MEX3D: variants seen among roughly 807,000 people sequenced by gnomAD.
MEX3D encodes the protein mex-3 RNA binding family member D, also known as RNA-binding protein MEX3D.
A neutral mutation model predicts 6.3 loss-of-function variants in MEX3D; 4 were observed. The observed-to-expected ratio is 0.64, with a 90% confidence interval of 0.31 to 1.46. MEX3D has a LOEUF of 1.46. Among genes scored for constraint, MEX3D ranks in the 40% most tolerant of loss-of-function variants. The pLI is 0.07. For synonymous variants in MEX3D, 626 were observed against 494.1 expected (o/e 1.27, Z -3.54); for missense variants, 1,038 against 994.4 (o/e 1.04, Z -0.59).
In MEX3D at chr19:1,555,710, G is replaced by C; in HGVS notation, c.1809C>G (p.Cys603Trp). The C allele has an allele frequency of 6.5e-7, 1 of 1,545,504 alleles. No individual in the cohort carries two copies. Among genetic ancestry groups the C allele is most frequent in the Non-Finnish European group, 8.7e-7 (1 of 1,151,504 alleles). Residue 603 changes from cysteine (C) to tryptophan (W), a missense_variant, in exon 2 of 2, where the codon TGC becomes TGG. Coordinates refer to ENST00000402693, the MANE Select transcript of MEX3D (RefSeq NM_203304.4). ...GCGCAGCCATCACCTCGCCCTCGGC[G>C]CACACCACGCACTCTCGCGCCAGGG... ...APALARECVV[C>W]AEGEVMAALV...
chr19:1,562,804 C>G (rs1295847089), intron 1 of MEX3D, among the ~76,000 whole-genome samples: 1 of 152,088 alleles, frequency 6.6e-6, no homozygotes, highest in Non-Finnish European at 1.5e-5. Context: ...GACCTGAGGT[C>G]AGGAGTTCGA....
Position 1,555,946 on chromosome 19 carries a change from G to A in MEX3D, c.1573C>T (p.Leu525=), listed in dbSNP as rs1269896561. The change falls in exon 2 of 2, where the codon CTG becomes TTG. Residue 525 remains leucine (L), a synonymous_variant. Coordinates refer to ENST00000402693, the MANE Select transcript of MEX3D (RefSeq NM_203304.4). ...PTLPEPGGLR[L]ELPLSRRGAP... ...CCACGGCGAGACAGCGGGAGCTCCA[G>A]GCGGAGGCCGCCGGGCTCGGGCAGC... 9 of 1,175,892 alleles carry A rather than the reference G, an allele frequency of 7.7e-6. No individual in the cohort carries two copies. The highest frequency in any genetic ancestry group is 9.4e-6 in the Non-Finnish European group (9 of 952,476). The allele number at this position is 1,175,892 out of a possible 1,614,324, so 72.8% of individuals were successfully genotyped here. A position where few individuals can be genotyped will look rare whatever the true frequency, so the allele number is the denominator to read the frequency against.
At chr19:1,558,624 C>T (rs1402024496) in intron 1 of MEX3D, among the ~76,000 whole-genome samples, 1 of 152,220 alleles carries the variant, frequency 6.6e-6, no homozygotes, top group Non-Finnish European at 1.5e-5. Flanking sequence ...ACACCACCTC[C>T]CGGCCCAACA....
Position 1,555,983 on chromosome 19 carries a change from G to A in MEX3D, c.1536C>T (p.Arg512=). 1.4e-5 allele frequency: 17 copies of A among 1,177,228 alleles called. No individual in the cohort carries two copies. Among genetic ancestry groups the A allele is most frequent in the Non-Finnish European group, 1.6e-5 (15 of 951,812 alleles). The allele number at this position is 1,177,228 out of a possible 1,614,324, so 72.9% of individuals were successfully genotyped here. A position where few individuals can be genotyped will look rare whatever the true frequency, so the allele number is the denominator to read the frequency against. The change falls in exon 2 of 2, where the codon CGC becomes CGT. Residue 512 remains arginine, a synonymous_variant. Coordinates refer to ENST00000402693, the MANE Select transcript of MEX3D (RefSeq NM_203304.4). ...ARRSSGAGTP[R]HSPTLPEPGG... The stretch of plus-strand genomic sequence containing the variant: ...CGGGCTCGGGCAGCGTGGGCGAGTG[G>A]CGGGGGGTCCCGGCCCCACTGCTGC...
rs1448831724 is a variant in MEX3D at position 1,556,537 on chromosome 19, C to A, written c.982G>T (p.Asp328Tyr). The A allele has an allele frequency of 1.2e-6, 2 of 1,607,316 alleles. No individual in the cohort carries two copies. Among genetic ancestry groups the A allele is most frequent in the Admixed American group, 3.3e-5 (2 of 59,818 alleles). ...GCCTCGATCTCCTCGCGCGCGCGGT[C>A]CACGTTCTCGGGCATCCCAGTGACC... is the stretch of plus-strand genomic sequence containing the variant. ...FAVTGMPENV[D>Y]RAREEIEAHI... is the part of the protein sequence containing the mutation. The change falls in exon 2 of 2, where the codon GAC becomes TAC. Residue 328 changes from aspartate (D) to tyrosine (Y), a missense_variant. Physicochemically the swap from Asp to Tyr is radical, Grantham distance 160. Coordinates refer to ENST00000402693, the MANE Select transcript of MEX3D (RefSeq NM_203304.4). This position sits in a 1 kb window ranked among gnomAD's most constrained non-coding sequence, Gnocchi z 7.5.
intron 1 of MEX3D, among the ~76,000 whole-genome samples, chr19:1,566,165 G>A (rs1184323202): frequency 6.6e-6 from 1 of 152,138 alleles, no homozygotes; most frequent in African/African-American, 2.4e-5. Flanking sequence ...CTCCTGCCAG[G>A]GGGTCCCACC....
Position 1,556,444 on chromosome 19 carries a change from T to C in MEX3D, c.1075A>G (p.Thr359Ala). 1 of 1,597,390 alleles carries C rather than the reference T, an allele frequency of 6.3e-7. No individual in the cohort carries two copies. Residue 359 changes from threonine (T) to alanine (A), a missense_variant, in exon 2 of 2, where the codon ACC (threonine) becomes GCC (alanine). By Grantham distance (58) the Thr-to-Ala change is moderately conservative. Around this residue, in one of 5 missense-constraint regions of MEX3D, gnomAD observed 581 missense variants for 516.2 expected, o/e 1.13. Coordinates refer to ENST00000402693, the MANE Select transcript of MEX3D (RefSeq NM_203304.4). The surrounding 1 kb of genome is among the most constrained non-coding windows in gnomAD (Gnocchi z 7.5). Reference protein sequence around the residue: ...GPDSDFHANGTDVCLDLLGAA... With the variant: ...GPDSDFHANGADVCLDLLGAA... ...CCGAGCAGGTCCAGGCAGACGTCGG[T>C]GCCGTTGGCGTGGAAGTCGCTGTCG...
chr19:1,567,673 G>A lies in MEX3D; in HGVS notation c.386C>T (p.Pro129Leu). ...CGGCGGCGGCGGGGGACTCGCGTTGGGGTCCAGCAGCGGCAGCGACCCGGG... is the reference window on the plus strand; with the variant it reads ...CGGCGGCGGCGGGGGACTCGCGTTGAGGTCCAGCAGCGGCAGCGACCCGGG... ...VAPGSLPLLD[P>L]NASPPPPPPP... is the part of the protein sequence containing the mutation. Residue 129 changes from proline (P) to leucine (L), a missense_variant, in exon 1 of 2, where the codon CCC becomes CTC. Transcript: ENST00000402693. This position sits in a 1 kb window ranked among gnomAD's most constrained non-coding sequence, Gnocchi z 6.5. The A allele has an allele frequency of 1.7e-6, 2 of 1,169,422 alleles. No individual in the cohort carries two copies. The highest frequency in any genetic ancestry group is 4.1e-5 in the South Asian group (1 of 24,314). The allele number at this position is 1,169,422 out of a possible 1,614,324, so 72.4% of individuals were successfully genotyped here.
At chr19:1,559,887 GCCA>G (rs1293379520) in intron 1 of MEX3D, among the ~76,000 whole-genome samples, 2 of 152,088 alleles carry the variant, frequency 1.3e-5, no homozygotes, top group Non-Finnish European at 2.9e-5. Context: ...CAGCTGCACT[GCCA>G]CCACACCTGT....
chr19:1,555,794 G>A lies in MEX3D; in HGVS notation c.1725C>T (p.Pro575=), dbSNP rs533787784. The A allele has an allele frequency of 2.8e-6, 4 of 1,406,436 alleles. No individual in the cohort carries two copies. Among genetic ancestry groups the A allele is most frequent in the East Asian group, 3.0e-5 (1 of 33,484 alleles). 87.1% of individuals were successfully genotyped at this position (1,406,436 alleles called of 1,614,324 possible). A position where few individuals can be genotyped will look rare whatever the true frequency, so the allele number is the denominator to read the frequency against. The part of the protein sequence containing the change: ...PSSPAAAACA[P]LDSGASENSR... ...TGTTCTCGGAGGCGCCGGAGTCCAG[G>A]GGGGCGCAGGCGGCGGCCGCGGGGC... Residue 575 remains proline, a synonymous_variant, in exon 2 of 2, where the codon CCC becomes CCT. Transcript: ENST00000402693.
rs1914540450 is a variant in MEX3D at position 1,556,103 on chromosome 19, G to T, written c.1416C>A (p.Ile472=). 1 of 1,449,420 alleles carries T rather than the reference G, an allele frequency of 6.9e-7. No homozygotes were observed. The highest frequency in any genetic ancestry group is 9.1e-7 in the Non-Finnish European group (1 of 1,100,528). The allele number at this position is 1,449,420 out of a possible 1,614,324, so 89.8% of individuals were successfully genotyped here. The change falls in exon 2 of 2, where the codon ATC becomes ATA. Residue 472 remains isoleucine (I), a synonymous_variant. Transcript: ENST00000402693. The surrounding 1 kb of genome is among the most constrained non-coding windows in gnomAD (Gnocchi z 7.5). ...GGGCGGCGCGCTCAAAAGGCGCCCA[G>T]ATGGTGGCCGCGGCGGGCACGGTCA... The part of the protein sequence containing the change: ...LDLTVPAAAT[I]WAPFERAAPL...
chr19:1,555,216 GTT>G lies in MEX3D; in HGVS notation c.*345_*346del. The stretch of plus-strand genomic sequence containing the variant: ...AAACGCTGAGCGCTGGAAAAGTCGT[GTT>G]TTTTGTTTTGCTTTTTTAAAGATCA... On this transcript the variant is annotated 3_prime_UTR_variant, in exon 2 of 2. Coordinates refer to ENST00000402693, the MANE Select transcript of MEX3D (RefSeq NM_203304.4). The G allele has an allele frequency of 9.1e-7, 1 of 1,100,904 alleles. No homozygotes were observed. Among genetic ancestry groups the G allele is most frequent in the Non-Finnish European group, 1.2e-6 (1 of 819,972 alleles). 68.2% of individuals were successfully genotyped at this position (1,100,904 alleles called of 1,614,324 possible).
intron 1 of MEX3D, among the ~76,000 whole-genome samples, chr19:1,561,958 T>C (rs979033452): frequency 1.3e-5 from 2 of 151,698 alleles, no homozygotes; most frequent in South Asian, 2.1e-4. Flanking sequence ...CTACAAAAAA[T>C]TTTTAAAAAT....
rs1165378473 is a variant in MEX3D, at chr19:1,567,969, G to A, written c.90C>T (p.Pro30=). 3.1e-6 allele frequency: 3 copies of A among 978,142 alleles called. No homozygotes were observed. The highest frequency in any genetic ancestry group is 3.6e-6 in the Non-Finnish European group (3 of 826,966). The allele number at this position is 978,142 out of a possible 1,614,324, so 60.6% of individuals were successfully genotyped here. Reference sequence around the variant, plus strand: ...CGCCCTCGGGCGGGGGCGCAGGTCCGGGTCCGGGGTCCTCCCCCGCCGCCC... The same window carrying A: ...CGCCCTCGGGCGGGGGCGCAGGTCCAGGTCCGGGGTCCTCCCCCGCCGCCC... ...GVGAAGEDPG[P]GPAPPPEGAQ... is the part of the protein sequence containing the mutation. The change falls in exon 1 of 2, where the codon CCC becomes CCT. Residue 30 remains proline, a synonymous_variant. Coordinates refer to ENST00000402693, the MANE Select transcript of MEX3D (RefSeq NM_203304.4). This position sits in a 1 kb window ranked among gnomAD's most constrained non-coding sequence, Gnocchi z 6.5.
chr19:1,561,154 C>T (rs575050202), intron 1 of MEX3D, among the ~76,000 whole-genome samples: 243 of 152,338 alleles, frequency 1.6e-3, no homozygotes, highest in Middle Eastern at 3.4e-3. Context: ...ACGCAGCACA[C>T]ACACCAGCGG....
At position 1,567,344 on chromosome 19, in the gene MEX3D, G is replaced by A; in HGVS notation, c.595+120C>T. 1 of 1,172,262 alleles carries A rather than the reference G, an allele frequency of 8.5e-7. No homozygotes were observed. The highest frequency in any genetic ancestry group is 3.1e-4 in the Middle Eastern group (1 of 3,194). The allele number at this position is 1,172,262 out of a possible 1,614,324, so 72.6% of individuals were successfully genotyped here. On this transcript the variant is annotated intron_variant, in intron 1 of 1. Coordinates refer to ENST00000402693, the MANE Select transcript of MEX3D (RefSeq NM_203304.4). This position sits in a 1 kb window ranked among gnomAD's most constrained non-coding sequence, Gnocchi z 6.5. ...GGCAGCGGCCGAGGCCGGAGCCCAC[G>A]CGGGGCGTGTCCGGTGCGGGGCGTC... is the stretch of plus-strand genomic sequence containing the variant.
chr19:1,555,436 C>CT lies in MEX3D; in HGVS notation c.*126_*127insA, dbSNP rs767747016. The CT allele has an allele frequency of 2.2e-6, 3 of 1,381,728 alleles. No individual in the cohort carries two copies. The highest frequency in any genetic ancestry group is 5.1e-5 in the African/African-American group (2 of 38,894). 85.6% of individuals were successfully genotyped at this position (1,381,728 alleles called of 1,614,324 possible). ...ATCTGTAAACACTGGCCGCCGCCCA[C>CT]CCCCCTGCCCCCTCGGCCTCCGCCC... On this transcript the variant is annotated 3_prime_UTR_variant, in exon 2 of 2. Coordinates refer to ENST00000402693, the MANE Select transcript of MEX3D (RefSeq NM_203304.4).
intron 1 of MEX3D, among the ~76,000 whole-genome samples, chr19:1,565,139 C>A (rs1310121910): frequency 6.6e-6 from 1 of 152,146 alleles, no homozygotes; most frequent in African/African-American, 2.4e-5. Context: ...CCTGTAGGAA[C>A]CCCAGCACTT....
At position 1,555,431 on chromosome 19, in the gene MEX3D, G is replaced by GGCCCCCCCC; in HGVS notation, c.*131_*132insGGGGGGGGC. 4 of 1,454,364 alleles carry GGCCCCCCCC rather than the reference G, an allele frequency of 2.8e-6. No homozygotes were observed. The highest frequency in any genetic ancestry group is 2.8e-6 in the Non-Finnish European group (3 of 1,084,808). 90.1% of individuals were successfully genotyped at this position (1,454,364 alleles called of 1,614,324 possible). A position where few individuals can be genotyped will look rare whatever the true frequency, so the allele number is the denominator to read the frequency against. Reference sequence around the variant, plus strand: ...AGCTCATCTGTAAACACTGGCCGCCGCCCACCCCCCTGCCCCCTCGGCCTC... The same window carrying GGCCCCCCCC: ...AGCTCATCTGTAAACACTGGCCGCCGGCCCCCCCCCCCACCCCCCTGCCCCCTCGGCCTC... On this transcript the variant is annotated 3_prime_UTR_variant, in exon 2 of 2. Transcript: ENST00000402693.
Sources: gnomAD v4.1 joint callset for allele counts (sites outside exome capture counted in the v4.1 genomes callset) on GRCh38, gnomAD v4.1.1 for gene constraint, gnomAD v4.1.1 regional missense constraint, Gnocchi (gnomAD v3.1) non-coding constraint, MANE v1.5 for transcripts, NCBI Gene and HGNC (gene_info 2026-07-23, HGNC 2026-07-21) for gene names.